GPC5: variants seen among roughly 807,000 people sequenced by gnomAD.
GPC5 encodes glypican 5, also known as glypican-5.
A neutral mutation model predicts 53.9 loss-of-function variants in GPC5; 47 were observed. The ratio of observed to expected loss-of-function variants is 0.87; its 90% CI spans 0.69 to 1.11. The LOEUF is 1.11. GPC5 is among the 50% of genes most tolerant of loss of function. The pLI, the probability that GPC5 is intolerant of heterozygous loss-of-function variation, is 0.00. For synonymous variants in GPC5, 286 were observed against 263.3 expected (o/e 1.09, Z -0.84); for missense variants, 748 against 713.1 (o/e 1.05, Z -0.56).
chr13:92,519,638 G>A (rs1301614327), intron 7 of GPC5, among the ~76,000 whole-genome samples: 2 of 152,130 alleles, frequency 1.3e-5, no homozygotes, highest in African/African-American at 4.8e-5. Context: ...AGTGTGTAGA[G>A]GGAAATTTAT....
intron 2 of GPC5, among the ~76,000 whole-genome samples, chr13:91,642,208 G>A (rs2034447020): frequency 6.6e-6 from 1 of 152,204 alleles, no homozygotes; most frequent in Non-Finnish European, 1.5e-5. Context: ...TTCAAGGAAT[G>A]CAGGCTCTTA....
At chr13:91,952,012 G>T (rs756464534) in intron 6 of GPC5, among the ~76,000 whole-genome samples, 1 of 152,114 alleles carries the variant, frequency 6.6e-6, no homozygotes, top group East Asian at 1.9e-4. Flanking sequence ...TTAAAATGAT[G>T]ACTAACTGAA....
chr13:92,575,475 T>G (rs1883161320), intron 7 of GPC5, among the ~76,000 whole-genome samples: 2 of 152,168 alleles, frequency 1.3e-5, no homozygotes, highest in Admixed American at 6.5e-5. Flanking sequence ...TCCCAGAGCC[T>G]GCAGAGGGAA....
intron 7 of GPC5, among the ~76,000 whole-genome samples, chr13:92,341,776 A>G (rs747648574): frequency 6.6e-6 from 1 of 152,058 alleles, no homozygotes; most frequent in Middle Eastern, 3.2e-3. Context: ...AAAATGGTTT[A>G]TTGTTATTTA....
chr13:91,938,733 C>T (rs2039894777), intron 6 of GPC5, among the ~76,000 whole-genome samples: 1 of 152,056 alleles, frequency 6.6e-6, no homozygotes, highest in Non-Finnish European at 1.5e-5. Context: ...TGAAACTTGC[C>T]TCCTACTTAC....
intron 6 of GPC5, among the ~76,000 whole-genome samples, chr13:92,113,947 A>G (rs2041579084): frequency 6.6e-6 from 1 of 152,198 alleles, no homozygotes; most frequent in African/African-American, 2.4e-5. Context: ...AGTGCATAAA[A>G]ACTAAAGGTA....
chr13:92,039,142 G>A (rs907190468), intron 6 of GPC5, among the ~76,000 whole-genome samples: 2 of 152,204 alleles, frequency 1.3e-5, no homozygotes, highest in Non-Finnish European at 2.9e-5. Context: ...AAGACAAGAG[G>A]AGCATTGGAG....
rs554443075 is a variant in GPC5, at chr13:92,799,500, A to G, written c.1562-66782A>G. ...GTGCATGTGGCATCTGAAAATTTAC[A>G]TGGGAACAAGAGGAAAGCAGCAATG... On this transcript the variant is annotated intron_variant, in intron 7 of 7. Transcript: ENST00000377067. 8.6e-5 allele frequency among the ~76,000 whole-genome samples: 13 copies of G among 151,956 alleles called. No individual in the cohort carries two copies. In the South Asian group the frequency reaches 1.9e-3, roughly 22 times the overall value.
At chr13:92,436,714 AT>A (rs1327101042) in intron 7 of GPC5, among the ~76,000 whole-genome samples, 19 of 152,272 alleles carry the variant, frequency 1.2e-4, no homozygotes, top group African/African-American at 4.6e-4. Flanking sequence ...TTAGTATTTA[AT>A]TCATATTATT....
intron 2 of GPC5, among the ~76,000 whole-genome samples, chr13:91,562,854 C>T (rs1420844242): frequency 6.6e-6 from 1 of 152,008 alleles, no homozygotes; most frequent in Non-Finnish European, 1.5e-5. Flanking sequence ...TATTTGAGAG[C>T]TCTGTTCTGG....
At chr13:92,618,763 A>ATGAC (rs1367459688) in intron 7 of GPC5, among the ~76,000 whole-genome samples, 3 of 151,764 alleles carry the variant, frequency 2.0e-5, no homozygotes, top group Admixed American at 2.0e-4. Context: ...GACCACTAAC[A>ATGAC]TGACATAGAC....
At chr13:92,584,775 G>A (rs1883483964) in intron 7 of GPC5, among the ~76,000 whole-genome samples, 1 of 152,038 alleles carries the variant, frequency 6.6e-6, no homozygotes, top group African/African-American at 2.4e-5. Context: ...GTCCCTGTGT[G>A]GCATGCAGTC....
At chr13:92,106,829 C>A (rs1353924963) in intron 6 of GPC5, among the ~76,000 whole-genome samples, 1 of 152,036 alleles carries the variant, frequency 6.6e-6, no homozygotes, top group Non-Finnish European at 1.5e-5. Flanking sequence ...AAACCTCTGA[C>A]TCTGATATTG....
chr13:92,779,585 A>G (rs1304681523), intron 7 of GPC5, among the ~76,000 whole-genome samples: 2 of 152,172 alleles, frequency 1.3e-5, no homozygotes, highest in Non-Finnish European at 1.5e-5. Flanking sequence ...TTGAACTCCT[A>G]GTCTCAAAGC....
chr13:92,590,635 G>T (rs1021183156), intron 7 of GPC5, among the ~76,000 whole-genome samples: 1 of 152,054 alleles, frequency 6.6e-6, no homozygotes, highest in Non-Finnish European at 1.5e-5. Flanking sequence ...ATCTGGAACC[G>T]AGGACTCCTC....
intron 4 of GPC5, among the ~76,000 whole-genome samples, chr13:91,741,436 G>A (rs1322054507): frequency 6.6e-6 from 1 of 152,094 alleles, no homozygotes; most frequent in East Asian, 1.9e-4. Context: ...GAATGTCACT[G>A]TCAACTAAAG....
chr13:92,636,283 T>C (rs552800158), intron 7 of GPC5, among the ~76,000 whole-genome samples: 5 of 152,312 alleles, frequency 3.3e-5, no homozygotes, highest in Non-Finnish European at 5.9e-5. Context: ...TAAGTAGATA[T>C]AGTGAAAATT....
At chr13:92,398,360 C>T (rs1366852277) in intron 7 of GPC5, among the ~76,000 whole-genome samples, 1 of 135,202 alleles carries the variant, frequency 7.4e-6, no homozygotes, top group Non-Finnish European at 1.5e-5. Flanking sequence ...ACCCGGGAGG[C>T]GGAGCTTGCA....
intron 4 of GPC5, among the ~76,000 whole-genome samples, chr13:91,749,273 T>A (rs930943326): frequency 6.6e-6 from 1 of 152,184 alleles, no homozygotes; most frequent in Non-Finnish European, 1.5e-5. Flanking sequence ...AGTGAGAACA[T>A]GTGATATTTG....
Sources: allele counts gnomAD v4.1 joint callset (sites outside exome capture counted in the v4.1 genomes callset), GRCh38; gene constraint gnomAD v4.1.1; transcripts MANE v1.5; gene names NCBI Gene and HGNC (gene_info 2026-07-23, HGNC 2026-07-21).